Variants in CIDEA observed in about 807,000 individuals in gnomAD.
CIDEA encodes cell death inducing DFFA like effector a.
Under a neutral mutation model 18.2 loss-of-function variants are expected in CIDEA, and 10 were observed. The observed-to-expected ratio is 0.55, with a 90% confidence interval of 0.34 to 0.93. CIDEA has a LOEUF of 0.93. Ranked by LOEUF, CIDEA falls within the 40% of genes least tolerant of loss-of-function variation. The probability of loss-of-function intolerance (pLI) is 0.02; values close to 1 mark genes in which losing one functional copy is unlikely to be tolerated. For missense variants in CIDEA, 309 were observed against 293.1 expected, an observed-to-expected ratio of 1.05 and a Z score of -0.40; for synonymous variants, 128 against 124.8, an observed-to-expected ratio of 1.03 and a Z score of -0.17.
chr18:12,258,324 C>T (rs991674970), intron 1 of CIDEA, among the ~76,000 whole-genome samples: 4 of 152,226 alleles, frequency 2.6e-5, no homozygotes, highest in East Asian at 1.9e-4. Flanking sequence ...CAGGTGCTTA[C>T]GAAGGCGTGA....
In CIDEA at chr18:12,259,511, C is replaced by T. The variant is rs9964446; in HGVS notation, c.39-3314C>T. On this transcript the variant is annotated intron_variant, in intron 1 of 4. Transcript: ENST00000320477. The stretch of plus-strand genomic sequence containing the variant: ...CACTCTGAGCCTCAGTTTTCTCATC[C>T]GTGAAGTGGGGCAATAGTTTCCTTG... Among the ~76,000 whole-genome samples the T allele has an allele frequency of 1.4e-3, 211 of 152,240 alleles. 1 individual carries two copies. Among genetic ancestry groups the T allele is most frequent in the African/African-American group, 4.9e-3 (205 of 41,538 alleles).
intron 3 of CIDEA, among the ~76,000 whole-genome samples, chr18:12,267,161 A>G (rs908751698): frequency 8.5e-5 from 13 of 152,214 alleles, no homozygotes; most frequent in South Asian, 2.1e-4. Context: ...GGCACAGACT[A>G]TGACCCAGCA....
chr18:12,267,054 C>T (rs535319254), intron 3 of CIDEA, among the ~76,000 whole-genome samples: 4 of 152,222 alleles, frequency 2.6e-5, no homozygotes, highest in South Asian at 2.1e-4. Context: ...CCACCGCACC[C>T]GGCCGATTTT....
chr18:12,271,423 G>A (rs1052296271), intron 3 of CIDEA, among the ~76,000 whole-genome samples: 7 of 152,222 alleles, frequency 4.6e-5, no homozygotes, highest in African/African-American at 1.7e-4. Flanking sequence ...GAAAAGCGAG[G>A]GGCCGGGCCT....
At position 12,264,334 on chromosome 18, in the gene CIDEA, G is replaced by T; in HGVS notation, c.211G>T (p.Gly71Ter). The T allele has an allele frequency of 1.9e-6, 3 of 1,613,504 alleles. No homozygotes were observed. In the East Asian group the frequency reaches 6.7e-5, roughly 36 times the overall value. The change falls in exon 3 of 5, where the codon GGA (glycine) becomes TGA (stop). Residue 71 changes from glycine (G) to a stop codon, truncating the protein, a stop_gained. Coordinates refer to ENST00000320477, the MANE Select transcript of CIDEA (RefSeq NM_001279.4). LOFTEE classifies it high-confidence loss of function. ...TCTGGATGCCCTCGTCATCGCTACC[G>T]GACTGGTCACTCTGGTGCTGGAGGA... Reference protein sequence around the residue: ...KTLDALVIATGLVTLVLEEDG... With the variant: ...KTLDALVIAT
intron 4 of CIDEA, among the ~76,000 whole-genome samples, chr18:12,276,721 G>A (rs1022678960): frequency 1.3e-5 from 2 of 152,184 alleles, no homozygotes; most frequent in Non-Finnish European, 2.9e-5. Context: ...GATTTCAGTA[G>A]CAGGGCCCCT....
Position 12,277,250 on chromosome 18 carries a change from G to A in CIDEA, c.640G>A (p.Gly214Ser), listed in dbSNP as rs1287496741. Residue 214 changes from glycine (G) to serine (S), a missense_variant, in exon 5 of 5, where the codon GGC becomes AGC. Physicochemically the swap from Gly to Ser is moderately conservative, Grantham distance 56. Transcript: ENST00000320477. Reference protein sequence around the residue: ...ERPSLRSQAKGRFTCG With the variant: ...ERPSLRSQAKSRFTCG ...GCCATCCCTCCGGTCACAAGCCAAG[G>A]GCAGGTTCACGTGTGGATAGGGATG... 1.2e-6 allele frequency: 2 copies of A among 1,614,132 alleles called. No individual in the cohort carries two copies. Among genetic ancestry groups the A allele is most frequent in the East Asian group, 4.5e-5 (2 of 44,860 alleles).
chr18:12,268,730 T>C (rs1425509052), intron 3 of CIDEA, among the ~76,000 whole-genome samples: 1 of 152,186 alleles, frequency 6.6e-6, no homozygotes, highest in Non-Finnish European at 1.5e-5. Context: ...GTTTGGAAGT[T>C]ACTGATTAGC....
chr18:12,276,190 C>T (rs1439209173), intron 4 of CIDEA, among the ~76,000 whole-genome samples: 1 of 151,968 alleles, frequency 6.6e-6, no homozygotes, highest in African/African-American at 2.4e-5. Context: ...GACGGGGTTT[C>T]ACCATGTTGG....
chr18:12,262,098 T>A (rs970792489), intron 1 of CIDEA, among the ~76,000 whole-genome samples: 1 of 151,446 alleles, frequency 6.6e-6, no homozygotes, highest in Non-Finnish European at 1.5e-5. Flanking sequence ...GCCCAGGAGG[T>A]CAAGGCTGCA....
chr18:12,271,522 T>C (rs571313121), intron 3 of CIDEA, among the ~76,000 whole-genome samples: 1 of 152,138 alleles, frequency 6.6e-6, no homozygotes, highest in Admixed American at 6.5e-5. Context: ...TTCATGCCAC[T>C]GAGGTTCTGG....
intron 3 of CIDEA, among the ~76,000 whole-genome samples, chr18:12,271,768 C>T (rs1382988848): frequency 2.6e-5 from 4 of 152,034 alleles, no homozygotes; most frequent in Non-Finnish European, 4.4e-5. Flanking sequence ...ACCTGTAGGC[C>T]TTTCTGGGCA....
At chr18:12,275,792 C>T (rs1257261246) in intron 4 of CIDEA, among the ~76,000 whole-genome samples, 1 of 152,192 alleles carries the variant, frequency 6.6e-6, no homozygotes, top group South Asian at 2.1e-4. Flanking sequence ...ACTACAGTCA[C>T]TGTCATAGTG....
In CIDEA at chr18:12,264,289, G is replaced by C; in HGVS notation, c.184-18G>C. 2 of 1,568,266 alleles carry C rather than the reference G, an allele frequency of 1.3e-6. No homozygotes were observed. The highest frequency in any genetic ancestry group is 1.7e-6 in the Non-Finnish European group (2 of 1,159,002). On this transcript the variant is annotated intron_variant, in intron 2 of 4. Coordinates refer to ENST00000320477, the MANE Select transcript of CIDEA (RefSeq NM_001279.4). ...ATACCTGGCTTCACTCCATTTCTCT[G>C]ATGTGTTGCACACCTAGACTCTGGA...
At chr18:12,262,195 G>C (rs1405380108) in intron 1 of CIDEA, among the ~76,000 whole-genome samples, 1 of 146,012 alleles carries the variant, frequency 6.8e-6, no homozygotes, top group South Asian at 2.1e-4. Flanking sequence ...GTAAATTTTT[G>C]AATTAATTCT....
chr18:12,255,390 C>T (rs1243358024), intron 1 of CIDEA, among the ~76,000 whole-genome samples: 1 of 152,196 alleles, frequency 6.6e-6, no homozygotes, highest in East Asian at 1.9e-4. Context: ...TATGAGCTTC[C>T]AATCCCGGGT....
chr18:12,264,702 C>T (rs530758035), intron 3 of CIDEA, among the ~76,000 whole-genome samples: 481 of 152,190 alleles, frequency 3.2e-3, no homozygotes, highest in Admixed American at 7.9e-3. Flanking sequence ...TACAGGCACC[C>T]GCCACCACGC....
chr18:12,269,294 T>G (rs1317041670), intron 3 of CIDEA, among the ~76,000 whole-genome samples: 1 of 152,236 alleles, frequency 6.6e-6, no homozygotes, highest in Non-Finnish European at 1.5e-5. Flanking sequence ...GATGGAAGTA[T>G]GAAGAAAATC....
intron 1 of CIDEA, among the ~76,000 whole-genome samples, chr18:12,259,288 G>A (rs571803293): frequency 2.0e-4 from 31 of 152,334 alleles, no homozygotes; most frequent in African/African-American, 7.5e-4. Flanking sequence ...GCATGAACTC[G>A]AAGCGCTGCT....
Sources: gnomAD v4.1 joint callset for allele counts (sites outside exome capture counted in the v4.1 genomes callset) on GRCh38, gnomAD v4.1.1 for gene constraint, MANE v1.5 for transcripts, NCBI Gene and HGNC (gene_info 2026-07-23, HGNC 2026-07-21) for gene names.